RSRC1: variants seen among roughly 807,000 people sequenced by gnomAD.
RSRC1 encodes the protein serine/Arginine-related protein 53.
RSRC1 carries 39 observed loss-of-function variants against 49.1 expected under a neutral mutation model. The ratio of observed to expected loss-of-function variants is 0.79; its 90% CI spans 0.61 to 1.04. The LOEUF is 1.04. Ranked by LOEUF, RSRC1 falls within the 50% of genes least tolerant of loss-of-function variation. The pLI, the probability that RSRC1 is intolerant of heterozygous loss-of-function variation, is 0.00. For synonymous variants in RSRC1, 143 were observed against 130.8 expected (o/e 1.09, Z -0.63); for missense variants, 388 against 402.4 (o/e 0.96, Z 0.31).
rs72132266 is a variant in RSRC1, at chr3:158,518,148, A to ATTTTTTTTTTTTTTTTTT, written c.653-18941_653-18924dup. On this transcript the variant is annotated intron_variant, in intron 7 of 9. Transcript: ENST00000611884. ...TGTGTATATATATATATATATATAT[A>ATTTTTTTTTTTTTTTTTT]TTTTTTTTTTTTTTTTTTTTACTCC... Among the ~76,000 whole-genome samples, 15 of 44,138 alleles carry ATTTTTTTTTTTTTTTTTT rather than the reference A, an allele frequency of 3.4e-4. 1 individual carries two copies. Among genetic ancestry groups the ATTTTTTTTTTTTTTTTTT allele is most frequent in the Middle Eastern group, 0.021 (1 of 48 alleles). 29.0% of individuals were successfully genotyped at this position (44,138 alleles called of 152,430 possible). A position where few individuals can be genotyped will look rare whatever the true frequency, so the allele number is the denominator to read the frequency against.
rs140338260 is a variant in RSRC1 at position 158,113,806 on chromosome 3, A to G, written c.-3+3583A>G. Among the ~76,000 whole-genome samples, 311 of 152,232 alleles carry G rather than the reference A, an allele frequency of 2.0e-3. 4 individuals carry two copies. Among genetic ancestry groups the G allele is most frequent in the South Asian group, 9.9e-3 (48 of 4,830 alleles). Reference sequence around the variant, plus strand: ...TTGGCTGCATAAATGACTTCTTTTGAGAAGTGTCTGTTCATGTTCTTTGCC... The same window carrying G: ...TTGGCTGCATAAATGACTTCTTTTGGGAAGTGTCTGTTCATGTTCTTTGCC... On this transcript the variant is annotated intron_variant, in intron 1 of 9. Coordinates refer to ENST00000611884, the MANE Select transcript of RSRC1 (RefSeq NM_001271838.2).
intron 4 of RSRC1, among the ~76,000 whole-genome samples, chr3:158,249,679 TTA>T (rs1419838568): frequency 6.6e-6 from 1 of 152,082 alleles, no homozygotes; most frequent in Non-Finnish European, 1.5e-5. Context: ...AATTAAAAAT[TTA>T]TTTTTATTTT....
At chr3:158,152,118 G>A (rs556686427) in intron 3 of RSRC1, among the ~76,000 whole-genome samples, 1 of 151,852 alleles carries the variant, frequency 6.6e-6, no homozygotes, top group South Asian at 2.1e-4. Context: ...TATAGGAGAC[G>A]AGTATAAAGT....
At chr3:158,284,020 TC>T in intron 4 of RSRC1, among the ~76,000 whole-genome samples, 1 of 151,936 alleles carries the variant, frequency 6.6e-6, no homozygotes, top group East Asian at 1.9e-4. Flanking sequence ...TAGGTATATC[TC>T]CTAATGCTAT....
intron 7 of RSRC1, among the ~76,000 whole-genome samples, chr3:158,509,305 G>T (rs1232557910): frequency 6.6e-6 from 1 of 152,044 alleles, no homozygotes; most frequent in Admixed American, 6.6e-5. Context: ...AGCCTCTTTA[G>T]AAGATATGTA....
intron 4 of RSRC1, among the ~76,000 whole-genome samples, chr3:158,285,165 G>T (rs548995092): frequency 5.9e-5 from 9 of 152,230 alleles, no homozygotes; most frequent in South Asian, 4.1e-4. Context: ...TTTCCCCATT[G>T]CTTGTTTTTG....
At chr3:158,520,689 T>C (rs1020028138) in intron 7 of RSRC1, among the ~76,000 whole-genome samples, 2 of 152,184 alleles carry the variant, frequency 1.3e-5, no homozygotes, top group Middle Eastern at 3.2e-3. Context: ...AAAACTCTTC[T>C]TGAAATGTTT....
At chr3:158,203,773 G>C (rs141204872) in intron 4 of RSRC1, among the ~76,000 whole-genome samples, 2 of 152,276 alleles carry the variant, frequency 1.3e-5, no homozygotes, top group East Asian at 3.9e-4. Context: ...TTGTAAGAGT[G>C]AGTGTATCTG....
chr3:158,515,771 C>T (rs1342724096), intron 7 of RSRC1, among the ~76,000 whole-genome samples: 3 of 151,504 alleles, frequency 2.0e-5, no homozygotes, highest in Admixed American at 6.6e-5. Context: ...CACATAGTCC[C>T]ATATTTCTTG....
At chr3:158,315,167 C>T (rs1384137844) in intron 5 of RSRC1, among the ~76,000 whole-genome samples, 1 of 152,082 alleles carries the variant, frequency 6.6e-6, no homozygotes, top group African/African-American at 2.4e-5. Flanking sequence ...ACCCATAATA[C>T]TAATAATGAA....
chr3:158,432,895 T>A (rs1281784494), intron 6 of RSRC1, among the ~76,000 whole-genome samples: 76 of 152,030 alleles, frequency 5.0e-4, no homozygotes, highest in Non-Finnish European at 2.1e-4. Context: ...TGAGTCTATG[T>A]ATATATACTA....
chr3:158,150,873 G>T (rs1717487743), intron 3 of RSRC1, among the ~76,000 whole-genome samples: 1 of 152,066 alleles, frequency 6.6e-6, no homozygotes, highest in Admixed American at 6.6e-5. Context: ...TTTGGGCATA[G>T]GATTCTTTGT....
chr3:158,312,808 T>C (rs1728204307), intron 5 of RSRC1, among the ~76,000 whole-genome samples: 1 of 152,138 alleles, frequency 6.6e-6, no homozygotes, highest in Admixed American at 6.5e-5. Context: ...CCACCCTTTA[T>C]TGCCACTGCT....
intron 5 of RSRC1, among the ~76,000 whole-genome samples, chr3:158,347,008 G>T (rs1265772351): frequency 6.6e-6 from 1 of 152,144 alleles, no homozygotes; most frequent in East Asian, 1.9e-4. Context: ...TTAAAGACCA[G>T]ATATGTTAAA....
intron 4 of RSRC1, among the ~76,000 whole-genome samples, chr3:158,232,567 G>A (rs1266739017): frequency 2.0e-5 from 3 of 152,132 alleles, no homozygotes; most frequent in African/African-American, 7.2e-5. Flanking sequence ...TTGGGTTTCA[G>A]TGTCCAAGGA....
chr3:158,151,004 A>G (rs1392163729), intron 3 of RSRC1, among the ~76,000 whole-genome samples: 1 of 152,178 alleles, frequency 6.6e-6, no homozygotes, highest in Non-Finnish European at 1.5e-5. Flanking sequence ...TATATTCCCT[A>G]TGAGTATTTT....
intron 1 of RSRC1, among the ~76,000 whole-genome samples, chr3:158,114,616 T>C (rs1714664450): frequency 6.6e-6 from 1 of 152,236 alleles, no homozygotes. Flanking sequence ...ACGATATTGA[T>C]TCTTCCTATC....
intron 4 of RSRC1, among the ~76,000 whole-genome samples, chr3:158,237,175 C>A (rs1040747964): frequency 3.3e-5 from 5 of 152,114 alleles, no homozygotes; most frequent in African/African-American, 1.2e-4. Flanking sequence ...TACTTTGAGG[C>A]TATTATGACA....
chr3:158,383,020 A>G (rs77228770), intron 6 of RSRC1, among the ~76,000 whole-genome samples: 6,026 of 152,232 alleles, frequency 0.04, 169 homozygotes, highest in Non-Finnish European at 0.061. Flanking sequence ...GATTAATTAG[A>G]GTAAATTATT....
Sources: gnomAD v4.1 joint callset for allele counts (sites outside exome capture counted in the v4.1 genomes callset) on GRCh38, gnomAD v4.1.1 for gene constraint, MANE v1.5 for transcripts, NCBI Gene and HGNC (gene_info 2026-07-23, HGNC 2026-07-21) for gene names.